GRIP1: variants seen among roughly 807,000 people sequenced by gnomAD.
GRIP1 encodes glutamate receptor-interacting protein 1.
Under a neutral mutation model 129.9 loss-of-function variants are expected in GRIP1, and 45 were observed. The ratio of observed to expected loss-of-function variants is 0.35; its 90% confidence interval spans 0.27 to 0.44. The LOEUF is 0.44. Ranked by LOEUF, GRIP1 falls within the 20% of genes least tolerant of loss-of-function variation. The pLI is 1.00. For synonymous variants in GRIP1, 530 were observed against 520.8 expected, an observed-to-expected ratio of 1.02 and a Z score of -0.24; for missense variants, 1,196 against 1,396.8, an observed-to-expected ratio of 0.86 and a Z score of 2.29.
chr12:66,836,800 G>A (rs2039622278), intron 1 of GRIP1, among the ~76,000 whole-genome samples: 1 of 152,140 alleles, frequency 6.6e-6, no homozygotes, highest in Non-Finnish European at 1.5e-5. Context: ...TCATTTACAG[G>A]CTGGCAGCAG....
intron 2 of GRIP1, among the ~76,000 whole-genome samples, chr12:66,551,359 G>A (rs750248662): frequency 1.3e-5 from 2 of 152,200 alleles, no homozygotes; most frequent in Non-Finnish European, 2.9e-5. Context: ...AACGTATGCT[G>A]CTGAGAAAGT....
intron 1 of GRIP1, among the ~76,000 whole-genome samples, chr12:66,709,399 C>T (rs1184112068): frequency 1.3e-5 from 2 of 151,932 alleles, no homozygotes; most frequent in African/African-American, 4.8e-5. Context: ...AAGAGAATCC[C>T]TTATCCATGG....
chr12:66,654,853 T>G (rs1240592630), intron 1 of GRIP1, among the ~76,000 whole-genome samples: 2 of 152,168 alleles, frequency 1.3e-5, no homozygotes, highest in Non-Finnish European at 2.9e-5. Context: ...AGGGAAAATT[T>G]AAATATTGTA....
At chr12:66,879,855 C>G (rs1375106332) in intron 1 of GRIP1, among the ~76,000 whole-genome samples, 2 of 151,962 alleles carry the variant, frequency 1.3e-5, no homozygotes, top group Non-Finnish European at 2.9e-5. Flanking sequence ...ATAACTAGCA[C>G]TATAATAAAG....
At chr12:66,852,303 C>T (rs898381119) in intron 1 of GRIP1, among the ~76,000 whole-genome samples, 1 of 151,744 alleles carries the variant, frequency 6.6e-6, no homozygotes, top group African/African-American at 2.4e-5. Flanking sequence ...AGGAAAGAGG[C>T]CAAGATTTAC....
At chr12:66,999,146 T>G (rs1422004745) in intron 1 of GRIP1, among the ~76,000 whole-genome samples, 1 of 152,220 alleles carries the variant, frequency 6.6e-6, no homozygotes, top group East Asian at 1.9e-4. Context: ...TGGTCTGTCT[T>G]GTTCATACCT....
At chr12:66,931,232 T>C (rs1389915647) in intron 1 of GRIP1, among the ~76,000 whole-genome samples, 1 of 152,182 alleles carries the variant, frequency 6.6e-6, no homozygotes, top group East Asian at 1.9e-4. Flanking sequence ...TCAGAGAGCA[T>C]GATGCTGACC....
At chr12:67,058,870 A>G (rs2043481796) in intron 1 of GRIP1, among the ~76,000 whole-genome samples, 1 of 152,212 alleles carries the variant, frequency 6.6e-6, no homozygotes, top group Non-Finnish European at 1.5e-5. Context: ...AAACCACTTC[A>G]GATAGGGAAC....
chr12:66,891,313 G>C (rs2040654245), intron 1 of GRIP1, among the ~76,000 whole-genome samples: 1 of 152,182 alleles, frequency 6.6e-6, no homozygotes, highest in South Asian at 2.1e-4. Flanking sequence ...CAATGGTCCA[G>C]AACCTCTCAA....
rs1555243843 is a variant in GRIP1 at position 66,834,936 on chromosome 12, A to AAAG, written c.58+234113_58+234114insCTT. Among the ~76,000 whole-genome samples, 235 of 99,280 alleles carry AAAG rather than the reference A, an allele frequency of 2.4e-3. 1 individual carries two copies. The highest frequency in any genetic ancestry group is 0.018 in the East Asian group (60 of 3,420). The allele number at this position is 99,280 out of a possible 152,430, so 65.1% of individuals were successfully genotyped here. ...CAAGACTCGTCTCTTTAAAAAAAAAAGGGGGGGGGGCAGGAGTAGGGGAGG... is the reference window on the plus strand; with the variant it reads ...CAAGACTCGTCTCTTTAAAAAAAAAAAAGGGGGGGGGGGCAGGAGTAGGGGAGG... On this transcript the variant is annotated intron_variant, in intron 1 of 1. Transcript: ENST00000643019.
rs923568287 is a variant in GRIP1, at chr12:66,933,252, C to T, written c.58+135798G>A. On this transcript the variant is annotated intron_variant, in intron 1 of 1. Transcript: ENST00000643019. ...ATATAAAGGCATGACTAAGTATGTA[C>T]CTCTTCCCAGAGGAGCTGCATAGAG... 7.9e-5 allele frequency among the ~76,000 whole-genome samples: 12 copies of T among 152,280 alleles called. No individual in the cohort carries two copies. The South Asian group carries it at 2.5e-3, about 32-fold the overall frequency.
At chr12:66,436,922 G>A (rs571894180) in intron 13 of GRIP1, among the ~76,000 whole-genome samples, 2 of 148,678 alleles carry the variant, frequency 1.3e-5, no homozygotes, top group South Asian at 4.3e-4. Flanking sequence ...GGAGACGGAG[G>A]TTGATAGCAC....
chr12:67,063,122 AG>A (rs2043563865), intron 1 of GRIP1, among the ~76,000 whole-genome samples: 1 of 152,208 alleles, frequency 6.6e-6, no homozygotes, highest in Non-Finnish European at 1.5e-5. Context: ...AGAGAAAACA[AG>A]GGCTTTAAAA....
chr12:66,894,829 T>C (rs1358008810), intron 1 of GRIP1, among the ~76,000 whole-genome samples: 1 of 152,194 alleles, frequency 6.6e-6, no homozygotes, highest in African/African-American at 2.4e-5. Flanking sequence ...AACATTTTTT[T>C]CCATAATCTT....
At chr12:66,867,990 A>G (rs1454840004) in intron 1 of GRIP1, among the ~76,000 whole-genome samples, 1 of 152,126 alleles carries the variant, frequency 6.6e-6, no homozygotes, top group Non-Finnish European at 1.5e-5. Context: ...CTTTATTCTG[A>G]CGTAAATATG....
At position 66,600,133 on chromosome 12, in the gene GRIP1, G is replaced by T. The variant is rs532177403; in HGVS notation, c.56-3206C>A. ...TTCTTCCCTCCTCCACATATTTGTT[G>T]CCTAAAGCAAACAACACTTACAAAT... On this transcript the variant is annotated intron_variant, in intron 1 of 24. Coordinates refer to ENST00000359742, the MANE Select transcript of GRIP1 (RefSeq NM_001366722.1). Among the ~76,000 whole-genome samples the T allele has an allele frequency of 1.1e-3, 162 of 152,132 alleles. 1 individual carries two copies. Among genetic ancestry groups the T allele is most frequent in the Non-Finnish European group, 1.1e-3 (74 of 68,028 alleles).
chr12:66,888,349 C>T (rs2040600958), intron 1 of GRIP1, among the ~76,000 whole-genome samples: 1 of 152,042 alleles, frequency 6.6e-6, no homozygotes, highest in Non-Finnish European at 1.5e-5. Flanking sequence ...GCATGAACCA[C>T]AGGGCCTAGC....
At chr12:66,695,276 T>G (rs1187374586) in intron 1 of GRIP1, among the ~76,000 whole-genome samples, 2 of 150,286 alleles carry the variant, frequency 1.3e-5, no homozygotes, top group Non-Finnish European at 3.0e-5. Flanking sequence ...CTAACCTGTT[T>G]TTTTTTTTTT....
chr12:66,632,568 G>A (rs985683221), intron 1 of GRIP1, among the ~76,000 whole-genome samples: 1 of 152,078 alleles, frequency 6.6e-6, no homozygotes, highest in African/African-American at 2.4e-5. Context: ...CCATTCTAAT[G>A]AACACTTTCC....
Sources: allele counts gnomAD v4.1 joint callset (sites outside exome capture counted in the v4.1 genomes callset), GRCh38; gene constraint gnomAD v4.1.1; transcripts MANE v1.5; gene names NCBI Gene and HGNC (gene_info 2026-07-23, HGNC 2026-07-21).